Variants in NAV1 observed in about 807,000 individuals in gnomAD.
The protein encoded by NAV1 is neuron navigator 1, also known as pore membrane and/or filament interacting like protein 3.
In NAV1, 18 loss-of-function variants were observed where a neutral mutation model predicts 175.2. The observed-to-expected ratio is 0.10, with a 90% confidence interval of 0.07 to 0.15. NAV1 has a LOEUF of 0.15. Ranked by LOEUF, NAV1 falls within the 10% of genes least tolerant of loss-of-function variation. NAV1 has a pLI of 1.00. For synonymous variants in NAV1, 897 were observed against 978.7 expected (o/e 0.92, Z 1.56); for missense variants, 1,731 against 2,436.6 (o/e 0.71, Z 6.10).
chr1:201,595,467 T>G (rs1474501548), intron 2 of NAV1, among the ~76,000 whole-genome samples: 1 of 152,246 alleles, frequency 6.6e-6, no homozygotes, highest in Non-Finnish European at 1.5e-5. Flanking sequence ...TTTCTTCAAG[T>G]GCTTCCTGGA....
intron 3 of NAV1, chr1:201,724,861 G>C (rs772310306): frequency 6.5e-6 from 1 of 152,708 alleles, no homozygotes; most frequent in Non-Finnish European, 1.5e-5. Flanking sequence ...CTCTTGAACT[G>C]TGCTTGGGGG....
At chr1:201,741,266 C>T (rs1005918134) in intron 3 of NAV1, among the ~76,000 whole-genome samples, 2 of 152,206 alleles carry the variant, frequency 1.3e-5, no homozygotes, top group Non-Finnish European at 2.9e-5. Flanking sequence ...CCTTGGAAGC[C>T]AGAGGCCCGC....
At chr1:201,585,682 A>G (rs186721974) in intron 1 of NAV1, among the ~76,000 whole-genome samples, 1 of 152,362 alleles carries the variant, frequency 6.6e-6, no homozygotes, top group African/African-American at 2.4e-5. Context: ...CAAAGAATAT[A>G]TATAAATGGA....
At chr1:201,686,014 G>A (rs569419231) in intron 1 of NAV1, among the ~76,000 whole-genome samples, 5 of 152,280 alleles carry the variant, frequency 3.3e-5, no homozygotes, top group Non-Finnish European at 7.4e-5. Context: ...GACAGCTGCA[G>A]ATCAACATGA....
chr1:201,793,177 T>C (rs904698994), intron 13 of NAV1: 2 of 152,420 alleles, frequency 1.3e-5, no homozygotes, highest in African/African-American at 4.8e-5. Flanking sequence ...CAGAGAGCCC[T>C]TTGGTATCCT....
At chr1:201,664,027 T>A (rs1410694320) in intron 1 of NAV1, among the ~76,000 whole-genome samples, 1 of 152,184 alleles carries the variant, frequency 6.6e-6, no homozygotes, top group Non-Finnish European at 1.5e-5. Context: ...CTGTGTAGCC[T>A]AAGTCATCGT....
At chr1:201,600,294 CCCCATG>C (rs1250844075) in intron 2 of NAV1, among the ~76,000 whole-genome samples, 1 of 152,190 alleles carries the variant, frequency 6.6e-6, no homozygotes, top group Middle Eastern at 3.2e-3. Flanking sequence ...TTTACTCCTG[CCCCATG>C]CCCTGTGTGG....
rs576913451 is a variant in NAV1, at chr1:201,816,941, T to C, written c.5341-147T>C. 8 of 671,724 alleles carry C rather than the reference T, an allele frequency of 1.2e-5. No homozygotes were observed. The South Asian group carries it at 1.4e-4, about 11-fold the overall frequency. The allele number at this position is 671,724 out of a possible 1,614,324, so 41.6% of individuals were successfully genotyped here. ...TTCCTGTCTTGGCCTCCCTAAATGC[T>C]GGGATTACAGGCATGAGCCACTGCG... On this transcript the variant is annotated intron_variant, in intron 28 of 29. Transcript: ENST00000367296.
intron 1 of NAV1, among the ~76,000 whole-genome samples, chr1:201,550,754 G>C (rs1325249880): frequency 6.6e-6 from 1 of 152,212 alleles, no homozygotes; most frequent in African/African-American, 2.4e-5. Flanking sequence ...CCTCTGAAAA[G>C]CTCCTCGGCT....
intron 1 of NAV1, among the ~76,000 whole-genome samples, chr1:201,565,485 T>C (rs1666325463): frequency 6.6e-6 from 1 of 152,216 alleles, no homozygotes. Context: ...TGAGGGCGGC[T>C]GCCAGCAGCG....
intron 1 of NAV1, among the ~76,000 whole-genome samples, chr1:201,680,241 G>A (rs536976456): frequency 3.3e-5 from 5 of 152,300 alleles, no homozygotes; most frequent in African/African-American, 1.2e-4. Context: ...TGGGCGCGGT[G>A]GCTCACGCCT....
chr1:201,545,917 T>C (rs148524916), intron 1 of NAV1, among the ~76,000 whole-genome samples: 2 of 152,364 alleles, frequency 1.3e-5, no homozygotes, highest in African/African-American at 4.8e-5. Flanking sequence ...AAGCATAGCA[T>C]AGAATAGGTC....
chr1:201,788,473 CCCACTGCGG>C lies in NAV1; in HGVS notation c.3006_3014del (p.Ala1003_Thr1005del). On this transcript the variant is annotated inframe_deletion, in exon 10 of 30. Transcript: ENST00000367296. The surrounding 1 kb of genome is among the most constrained non-coding windows in gnomAD (Gnocchi z 5.7). ...CCTTCCCTCTGTCCTTCCAGTGAGT[CCCACTGCGG>C]CCACCACGCCAAGAATCACCCGCTC... The C allele has an allele frequency of 6.2e-7, 1 of 1,614,036 alleles. No homozygotes were observed. Among genetic ancestry groups the C allele is most frequent in the Non-Finnish European group, 8.5e-7 (1 of 1,179,998 alleles).
chr1:201,650,318 A>C (rs1021266453), intron 1 of NAV1, among the ~76,000 whole-genome samples: 1 of 152,216 alleles, frequency 6.6e-6, no homozygotes, highest in Non-Finnish European at 1.5e-5. Context: ...CCCTGCCCTC[A>C]GAGAGGAATA....
At chr1:201,794,136 T>C in intron 14 of NAV1, 1 of 674,220 alleles carries the variant, frequency 1.5e-6, no homozygotes, top group Non-Finnish European at 2.7e-6. Context: ...GGGCTCCTGC[T>C]AATCCCAACT....
chr1:201,714,370 C>T (rs1032298019), intron 2 of NAV1, among the ~76,000 whole-genome samples: 2 of 152,232 alleles, frequency 1.3e-5, no homozygotes, highest in Non-Finnish European at 2.9e-5. Flanking sequence ...TCCCCCTATC[C>T]CCAGCCCATG....
intron 3 of NAV1, among the ~76,000 whole-genome samples, chr1:201,741,287 C>A (rs545050644): frequency 6.6e-6 from 1 of 152,200 alleles, no homozygotes; most frequent in East Asian, 1.9e-4. Context: ...TGACTCCAAA[C>A]TTTTTTCCCC....
At chr1:201,653,526 C>T (rs1669287408) in intron 1 of NAV1, among the ~76,000 whole-genome samples, 1 of 152,000 alleles carries the variant, frequency 6.6e-6, no homozygotes, top group Non-Finnish European at 1.5e-5. Flanking sequence ...GCAAGGGGGT[C>T]GCTCCAGTGA....
At position 201,804,515 on chromosome 1, in the gene NAV1, T is replaced by C. The variant is rs761913708; in HGVS notation, c.3648+18T>C. ...TCTATGAGGTAAGAGACCCAGTTCC[T>C]ATCCCCTTATTTTCTCTTTCCCTTT... On this transcript the variant is annotated intron_variant, in intron 17 of 29. Transcript: ENST00000367296. 35 of 1,534,074 alleles carry C rather than the reference T, an allele frequency of 2.3e-5. No individual in the cohort carries two copies. The South Asian group carries it at 4.0e-4, about 17-fold the overall frequency.
Sources: gnomAD v4.1 joint callset for allele counts (sites outside exome capture counted in the v4.1 genomes callset) on GRCh38, gnomAD v4.1.1 for gene constraint, Gnocchi (gnomAD v3.1) non-coding constraint, MANE v1.5 for transcripts, NCBI Gene and HGNC (gene_info 2026-07-23, HGNC 2026-07-21) for gene names.